Variants in HYCC1 observed in about 807,000 individuals in gnomAD.
The protein encoded by HYCC1 is hyccin PI4KA lipid kinase complex subunit 1.
At chr7:22,969,968 T>C in the HYCC1 span, among the ~76,000 whole-genome samples, 306 of 152,234 alleles carry the variant, frequency 2.0e-3, 1 homozygote, top group Middle Eastern at 3.4e-3. Flanking sequence ...GGAAATAGTA[T>C]AGGGTTCAGG....
chr7:22,903,016 A>G, the HYCC1 span, among the ~76,000 whole-genome samples: 2 of 152,200 alleles, frequency 1.3e-5, no homozygotes, highest in Admixed American at 6.5e-5. Flanking sequence ...AACCACAGTA[A>G]GATACCACCT....
the HYCC1 span, among the ~76,000 whole-genome samples, chr7:22,904,334 G>A: frequency 6.6e-6 from 1 of 151,746 alleles, no homozygotes; most frequent in Non-Finnish European, 1.5e-5. Context: ...GGGAGGCTGA[G>A]GCAGGAGAAT....
At chr7:22,993,650 T>C in the HYCC1 span, among the ~76,000 whole-genome samples, 1 of 151,896 alleles carries the variant, frequency 6.6e-6, no homozygotes, top group Non-Finnish European at 1.5e-5. Flanking sequence ...ATCAGGGAAA[T>C]GTCAGTTAAA....
At chr7:23,007,270 G>C in the HYCC1 span, among the ~76,000 whole-genome samples, 1 of 152,074 alleles carries the variant, frequency 6.6e-6, no homozygotes, top group Non-Finnish European at 1.5e-5. Context: ...TCCTAATTAA[G>C]AAAAACATTA....
At chr7:22,985,042 G>A in the HYCC1 span, among the ~76,000 whole-genome samples, 1 of 151,984 alleles carries the variant, frequency 6.6e-6, no homozygotes, top group African/African-American at 2.4e-5. Flanking sequence ...TTTCCTTCTG[G>A]AGCACACCCC....
chr7:22,955,778 G>A, the HYCC1 span, among the ~76,000 whole-genome samples: 1 of 151,682 alleles, frequency 6.6e-6, no homozygotes, highest in East Asian at 1.9e-4. Flanking sequence ...ATACTGGAGT[G>A]GTAGAGAACT....
At chr7:22,982,200 C>T in the HYCC1 span, among the ~76,000 whole-genome samples, 1 of 152,182 alleles carries the variant, frequency 6.6e-6, no homozygotes. Flanking sequence ...ACAGCTTTCA[C>T]TCAATATTTA....
the HYCC1 span, among the ~76,000 whole-genome samples, chr7:22,953,862 T>C: frequency 1.3e-5 from 2 of 151,782 alleles, no homozygotes; most frequent in South Asian, 2.1e-4. Flanking sequence ...CTCAAAATGA[T>C]ACTAAAAGTA....
chr7:22,920,976 G>A, the HYCC1 span, among the ~76,000 whole-genome samples: 2 of 152,106 alleles, frequency 1.3e-5, no homozygotes, highest in African/African-American at 4.8e-5. Flanking sequence ...CTTGCCATGT[G>A]AAGCACTAGC....
At chr7:22,947,263 A>G in the HYCC1 span, 11 of 1,543,714 alleles carry the variant, frequency 7.1e-6, no homozygotes, top group Non-Finnish European at 7.9e-6. Flanking sequence ...ATTGAAGATG[A>G]TAAGACAAAA....
At chr7:22,981,249 C>T in the HYCC1 span, among the ~76,000 whole-genome samples, 1 of 152,268 alleles carries the variant, frequency 6.6e-6, no homozygotes, top group East Asian at 1.9e-4. Context: ...GTTCCTGACA[C>T]ATTAAATGCG....
chr7:22,952,018 A>G, the HYCC1 span, among the ~76,000 whole-genome samples: 3 of 151,968 alleles, frequency 2.0e-5, no homozygotes, highest in Non-Finnish European at 4.4e-5. Flanking sequence ...TGCTCACCCT[A>G]TGTTATACAT....
chr7:23,006,010 G>A, the HYCC1 span, among the ~76,000 whole-genome samples: 1 of 152,018 alleles, frequency 6.6e-6, no homozygotes, highest in Non-Finnish European at 1.5e-5. Flanking sequence ...TTGTCACCTT[G>A]TCCACTACTG....
At chr7:22,917,818 A>G in the HYCC1 span, among the ~76,000 whole-genome samples, 1 of 152,216 alleles carries the variant, frequency 6.6e-6, no homozygotes, top group Non-Finnish European at 1.5e-5. Flanking sequence ...GTGGCAAGGT[A>G]CAATCCAATA....
At chr7:23,010,112 C>A in the HYCC1 span, among the ~76,000 whole-genome samples, 3 of 152,246 alleles carry the variant, frequency 2.0e-5, no homozygotes, top group Non-Finnish European at 4.4e-5. Flanking sequence ...TTTTAAAGTA[C>A]TTCAGAAGTA....
At chr7:22,971,204 T>C in the HYCC1 span, among the ~76,000 whole-genome samples, 1 of 150,936 alleles carries the variant, frequency 6.6e-6, no homozygotes, top group Admixed American at 6.6e-5. Flanking sequence ...AGTGAGTTTA[T>C]TTATTCATGA....
chr7:22,906,662 A>G, the HYCC1 span, among the ~76,000 whole-genome samples: 1 of 152,124 alleles, frequency 6.6e-6, no homozygotes. Context: ...TATTAAAAGT[A>G]ACAAAAGAAA....
the HYCC1 span, chr7:22,961,278 A>G: frequency 1.2e-6 from 2 of 1,608,556 alleles, no homozygotes; most frequent in East Asian, 2.2e-5. Flanking sequence ...TCTGTATATA[A>G]TATCATCCAG....
the HYCC1 span, among the ~76,000 whole-genome samples, chr7:22,918,482 A>G: frequency 1.3e-5 from 2 of 152,020 alleles, no homozygotes. Context: ...ACCACCCCCA[A>G]AAATTTTTGC....
Sources: gnomAD v4.1 joint callset for allele counts (sites outside exome capture counted in the v4.1 genomes callset) on GRCh38, gnomAD v4.1.1 for gene constraint, MANE v1.5 for transcripts, NCBI Gene and HGNC (gene_info 2026-07-23, HGNC 2026-07-21) for gene names.